Variants in AJAP1 observed in about 807,000 individuals in gnomAD.
The protein encoded by AJAP1 is adherens junction-associated protein 1.
Under a neutral mutation model 35.0 loss-of-function variants are expected in AJAP1, and 5 were observed. The ratio of observed to expected loss-of-function variants is 0.14; its 90% confidence interval spans 0.07 to 0.30. AJAP1 has a LOEUF of 0.30. AJAP1 is among the 10% of genes least tolerant of loss of function. The pLI is 1.00. For synonymous variants in AJAP1, 284 were observed against 249.3 expected (o/e 1.14, Z -1.31); for missense variants, 586 against 571.0 (o/e 1.03, Z -0.27).
intron 1 of AJAP1, among the ~76,000 whole-genome samples, chr1:4,676,651 T>C (rs919194650): frequency 3.9e-5 from 6 of 152,166 alleles, no homozygotes; most frequent in African/African-American, 1.4e-4. Context: ...GACTGGATTG[T>C]CGGGTGCCCA....
chr1:4,736,549 A>G (rs893532750), intron 2 of AJAP1, among the ~76,000 whole-genome samples: 2 of 152,180 alleles, frequency 1.3e-5, no homozygotes, highest in East Asian at 1.9e-4. Context: ...TTGTATTTAT[A>G]TGTATAAATA....
In AJAP1 at chr1:4,752,577, G is replaced by A. The variant is rs529716943; in HGVS notation, c.830-17276G>A. On this transcript the variant is annotated intron_variant, in intron 2 of 5. Transcript: ENST00000378191. ...GGAGTTTAAATTAAATCAGCAGGAG[G>A]GAGCCCAGCACAGCTTCCAGCATGC... 5.9e-5 allele frequency among the ~76,000 whole-genome samples: 9 copies of A among 152,034 alleles called. No individual in the cohort carries two copies. In the South Asian group the frequency reaches 1.7e-3, roughly 28 times the overall value.
At position 4,655,593 on chromosome 1, in the gene AJAP1, G is replaced by C. The variant is rs1638860397; in HGVS notation, c.29+139G>C. On this transcript the variant is annotated intron_variant, in intron 1 of 5. Coordinates refer to ENST00000378191, the MANE Select transcript of AJAP1 (RefSeq NM_018836.4). This position sits in a 1 kb window ranked among gnomAD's most constrained non-coding sequence, Gnocchi z 6.9. ...CGGGCAACGGGGTGCACCGGTAGCCGGAAAGGGGCGCCCGCCCGGAGCCTG... is the reference window on the plus strand; with the variant it reads ...CGGGCAACGGGGTGCACCGGTAGCCCGAAAGGGGCGCCCGCCCGGAGCCTG... The C allele has an allele frequency of 1.9e-6, 2 of 1,068,876 alleles. No homozygotes were observed. The highest frequency in any genetic ancestry group is 6.8e-5 in the East Asian group (2 of 29,438). 66.2% of individuals were successfully genotyped at this position (1,068,876 alleles called of 1,614,324 possible). A position where few individuals can be genotyped will look rare whatever the true frequency, so the allele number is the denominator to read the frequency against.
chr1:4,773,048 G>A (rs1641873155), intron 4 of AJAP1, among the ~76,000 whole-genome samples: 1 of 152,102 alleles, frequency 6.6e-6, no homozygotes, highest in African/African-American at 2.4e-5. Flanking sequence ...CAAAGAAAAT[G>A]TACCCCACAG....
At chr1:4,768,693 C>A (rs2100357030) in intron 2 of AJAP1, among the ~76,000 whole-genome samples, 1 of 152,310 alleles carries the variant, frequency 6.6e-6, no homozygotes, top group Admixed American at 6.5e-5. Context: ...GGTGGAAGGA[C>A]ATGGGGAGAT....
chr1:4,667,356 C>G (rs755843170), intron 1 of AJAP1, among the ~76,000 whole-genome samples: 47 of 152,288 alleles, frequency 3.1e-4, no homozygotes, highest in Non-Finnish European at 5.4e-4. Context: ...CAGCCCCAAC[C>G]AGCCACCTGC....
intron 1 of AJAP1, among the ~76,000 whole-genome samples, chr1:4,709,157 T>C (rs977397276): frequency 6.7e-6 from 1 of 148,956 alleles, no homozygotes; most frequent in Non-Finnish European, 1.5e-5. Context: ...AATATTTCTC[T>C]AAGTACTGAT....
rs113119036 is a variant in AJAP1 at position 4,747,706 on chromosome 1, T to C, written c.830-22147T>C. 5.8e-3 allele frequency among the ~76,000 whole-genome samples: 880 copies of C among 152,294 alleles called. 3 individuals are homozygous for C. Among genetic ancestry groups the C allele is most frequent in the Non-Finnish European group, 8.9e-3 (605 of 68,014 alleles). ...CGACCTCAGATGAAAGCTTCCTTCG[T>C]TGGCCGGGCATGATGGCTCACCTGT... On this transcript the variant is annotated intron_variant, in intron 2 of 5. Transcript: ENST00000378191.
chr1:4,699,381 G>A (rs747476841), intron 1 of AJAP1, among the ~76,000 whole-genome samples: 2 of 152,194 alleles, frequency 1.3e-5, no homozygotes, highest in East Asian at 1.9e-4. Context: ...CTTCAAAAGC[G>A]CCTGGCATGC....
chr1:4,734,256 G>A lies in AJAP1; in HGVS notation c.829+21557G>A, dbSNP rs1221015802. On this transcript the variant is annotated intron_variant, in intron 2 of 5. Transcript: ENST00000378191. The surrounding 1 kb of genome is among the most constrained non-coding windows in gnomAD (Gnocchi z 4.3). ...CTGAGCCCCGGAATAGGAAGGGCCT[G>A]CCCTACTGAGCCTCCTGCCTCACTA... Among the ~76,000 whole-genome samples, 1 of 152,200 alleles carries A rather than the reference G, an allele frequency of 6.6e-6. No individual in the cohort carries two copies. Among genetic ancestry groups the A allele is most frequent in the African/African-American group, 2.4e-5 (1 of 41,458 alleles).
chr1:4,660,445 C>T (rs1570078578), intron 1 of AJAP1, among the ~76,000 whole-genome samples: 1 of 151,562 alleles, frequency 6.6e-6, no homozygotes, highest in South Asian at 2.1e-4. Context: ...ATTGTATTGT[C>T]GTTTTGCAAA....
At chr1:4,707,077 T>C (rs1640116682) in intron 1 of AJAP1, among the ~76,000 whole-genome samples, 1 of 152,076 alleles carries the variant, frequency 6.6e-6, no homozygotes, top group South Asian at 2.1e-4. Context: ...CTGTCTCACG[T>C]TCAGGGTGTC....
chr1:4,683,519 G>A (rs111665686), intron 1 of AJAP1, among the ~76,000 whole-genome samples: 137 of 152,344 alleles, frequency 9.0e-4, no homozygotes, highest in African/African-American at 2.8e-3. Context: ...CCACTGGGAC[G>A]TTGATATATG....
rs1007486069 is a variant in AJAP1 at position 4,720,351 on chromosome 1, C to G, written c.829+7652C>G. ...AATAAAGGGAAAAAGCCTCCCTTTC[C>G]AGAAGTTTCTTTCAGCACTGGGGAA... On this transcript the variant is annotated intron_variant, in intron 2 of 5. Transcript: ENST00000378191. This position sits in a 1 kb window ranked among gnomAD's most constrained non-coding sequence, Gnocchi z 4.4. 2.0e-5 allele frequency among the ~76,000 whole-genome samples: 3 copies of G among 152,200 alleles called. No homozygotes were observed. Among genetic ancestry groups the G allele is most frequent in the Non-Finnish European group, 4.4e-5 (3 of 68,032 alleles).
At chr1:4,721,004 C>T (rs1238344407) in intron 2 of AJAP1, among the ~76,000 whole-genome samples, 4 of 152,200 alleles carry the variant, frequency 2.6e-5, no homozygotes, top group Non-Finnish European at 5.9e-5. Context: ...GGGGCTGGAG[C>T]CAGCACCATT....
chr1:4,664,881 C>T (rs192192502), intron 1 of AJAP1, among the ~76,000 whole-genome samples: 18 of 152,228 alleles, frequency 1.2e-4, no homozygotes, highest in Admixed American at 3.3e-4. Context: ...CGGTAGACTT[C>T]CTAGGCATGC....
intron 1 of AJAP1, among the ~76,000 whole-genome samples, chr1:4,673,649 C>T (rs1055437351): frequency 5.3e-5 from 8 of 152,252 alleles, no homozygotes; most frequent in Middle Eastern, 3.4e-3. Flanking sequence ...GCTTGTGTGC[C>T]GGGGCTGTGG....
intron 1 of AJAP1, among the ~76,000 whole-genome samples, chr1:4,669,818 G>T (rs993387259): frequency 8.5e-5 from 13 of 152,190 alleles, no homozygotes; most frequent in Non-Finnish European, 1.8e-4. Context: ...TCCATCCACT[G>T]ATGGACATTT....
intron 5 of AJAP1, chr1:4,777,541 A>G (rs1170506437): frequency 1.3e-5 from 2 of 152,164 alleles, no homozygotes; most frequent in Non-Finnish European, 2.9e-5. Flanking sequence ...GCTGGCCTTT[A>G]TGCTCCAAGG....
Sources: gnomAD v4.1 joint callset for allele counts (sites outside exome capture counted in the v4.1 genomes callset) on GRCh38, gnomAD v4.1.1 for gene constraint, Gnocchi (gnomAD v3.1) non-coding constraint, MANE v1.5 for transcripts, NCBI Gene and HGNC (gene_info 2026-07-23, HGNC 2026-07-21) for gene names.